The following ZFPM2 variants were observed in gnomAD, a reference collection of about 807,000 sequenced individuals.
The protein encoded by ZFPM2 is zinc finger protein ZFPM2.
Under a neutral mutation model 98.6 loss-of-function variants are expected in ZFPM2, and 20 were observed. That is an observed-to-expected ratio of 0.20 (90% CI 0.14 to 0.29). The LOEUF (loss-of-function observed/expected upper bound fraction) is 0.29, where lower values mean the gene tolerates loss of function less well. ZFPM2 is among the 10% of genes least tolerant of loss of function. The pLI is 1.00. For missense variants in ZFPM2, 1,310 were observed against 1,388.6 expected (o/e 0.94, Z 0.90); for synonymous variants, 518 against 502.7 (o/e 1.03, Z -0.41).
chr8:105,464,073 C>G (rs1169530194), intron 3 of ZFPM2, among the ~76,000 whole-genome samples: 1 of 152,040 alleles, frequency 6.6e-6, no homozygotes, highest in African/African-American at 2.4e-5. Flanking sequence ...TTCCTTTTCT[C>G]CTTGGGACTT....
chr8:105,441,482 G>GAAAGAAAGAAAGAAAA (rs1554604999), intron 2 of ZFPM2, among the ~76,000 whole-genome samples: 15,643 of 85,680 alleles, frequency 0.18, 3,472 homozygotes, highest in African/African-American at 0.29. Flanking sequence ...AAGAAAGAAA[G>GAAAGAAAGAAAGAAAA]AAAGAAAGAA....
intron 1 of ZFPM2, among the ~76,000 whole-genome samples, chr8:105,386,476 G>T (rs1328212929): frequency 6.6e-6 from 1 of 152,092 alleles, no homozygotes; most frequent in East Asian, 1.9e-4. Context: ...TCTTAAGGTG[G>T]TGTGTCTGGA....
intron 4 of ZFPM2, among the ~76,000 whole-genome samples, chr8:105,572,179 A>AG (rs531188130): frequency 7.8e-4 from 118 of 151,536 alleles, no homozygotes; most frequent in African/African-American, 2.6e-3. Flanking sequence ...CTGGGACCAC[A>AG]GGTGCACGCC....
intron 5 of ZFPM2, among the ~76,000 whole-genome samples, chr8:105,697,565 A>G (rs776203233): frequency 6.6e-6 from 1 of 152,164 alleles, no homozygotes; most frequent in Non-Finnish European, 1.5e-5. Context: ...GTTTGATGAT[A>G]TATCCTTTAA....
chr8:105,443,338 A>AAAAAAAAAAAAC (rs1554605250), intron 2 of ZFPM2, among the ~76,000 whole-genome samples: 1 of 151,002 alleles, frequency 6.6e-6, no homozygotes. Context: ...AAAAAAAAAA[A>AAAAAAAAAAAAC]ACTTGGCATT....
At chr8:105,580,823 CTCTCTATA>C (rs1815576690) in intron 4 of ZFPM2, among the ~76,000 whole-genome samples, 1 of 129,298 alleles carries the variant, frequency 7.7e-6, no homozygotes, top group African/African-American at 3.0e-5. Flanking sequence ...CTCTCTCTCT[CTCTCTATA>C]TATATATATA....
At chr8:105,327,665 C>G (rs531273368) in intron 1 of ZFPM2, among the ~76,000 whole-genome samples, 2 of 151,590 alleles carry the variant, frequency 1.3e-5, no homozygotes, top group Non-Finnish European at 3.0e-5. Context: ...TGTCCATTTT[C>G]CCTTTGCATG....
intron 4 of ZFPM2, among the ~76,000 whole-genome samples, chr8:105,626,544 G>T (rs28593348): frequency 0.2 from 30,702 of 151,960 alleles, 3,144 homozygotes; most frequent in South Asian, 0.26. Context: ...GGGGAATAAT[G>T]GAGTTGGGGG....
chr8:105,635,787 T>G (rs949528875), intron 5 of ZFPM2, among the ~76,000 whole-genome samples: 1 of 152,208 alleles, frequency 6.6e-6, no homozygotes, highest in Non-Finnish European at 1.5e-5. Flanking sequence ...AACATGGCAA[T>G]ACCTGGTCCC....
intron 1 of ZFPM2, among the ~76,000 whole-genome samples, chr8:105,388,568 C>T (rs750650761): frequency 7.9e-5 from 12 of 152,126 alleles, no homozygotes; most frequent in Non-Finnish European, 1.0e-4. Flanking sequence ...ATGCAGTAAG[C>T]TCCGACTACA....
chr8:105,743,795 AT>A (rs1277314644), intron 5 of ZFPM2, among the ~76,000 whole-genome samples: 1 of 152,068 alleles, frequency 6.6e-6, no homozygotes. Flanking sequence ...ACACATCATA[AT>A]GCTGTCCTTC....
chr8:105,693,320 A>C (rs1810934577), intron 5 of ZFPM2, among the ~76,000 whole-genome samples: 1 of 152,180 alleles, frequency 6.6e-6, no homozygotes, highest in African/African-American at 2.4e-5. Context: ...GTGTACGTGC[A>C]TTGGTGCAGG....
At chr8:105,674,424 C>T (rs1310382931) in intron 5 of ZFPM2, among the ~76,000 whole-genome samples, 2 of 152,152 alleles carry the variant, frequency 1.3e-5, no homozygotes, top group African/African-American at 2.4e-5. Flanking sequence ...TAAGCATAGC[C>T]GTAATCCAGC....
At chr8:105,668,565 G>A (rs988318691) in intron 5 of ZFPM2, among the ~76,000 whole-genome samples, 1 of 151,940 alleles carries the variant, frequency 6.6e-6, no homozygotes, top group Non-Finnish European at 1.5e-5. Flanking sequence ...TCCTTTTTTA[G>A]AATTATAAGA....
In ZFPM2 at chr8:105,343,168, T is replaced by A. The variant is rs1328235683; in HGVS notation, c.40+24187T>A. Among the ~76,000 whole-genome samples, 10 of 152,258 alleles carry A rather than the reference T, an allele frequency of 6.6e-5. No individual in the cohort carries two copies. The South Asian group carries it at 2.1e-3, about 32-fold the overall frequency. ...TTTTGGTTTAAAAAATCAACTTTATTAAGTACAGGATGGGAAAATGAACTT... is the reference window on the plus strand; with the variant it reads ...TTTTGGTTTAAAAAATCAACTTTATAAAGTACAGGATGGGAAAATGAACTT... On this transcript the variant is annotated intron_variant, in intron 1 of 7. Coordinates refer to ENST00000407775, the MANE Select transcript of ZFPM2 (RefSeq NM_012082.4).
chr8:105,780,974 G>A (rs1268013168), intron 5 of ZFPM2, among the ~76,000 whole-genome samples: 1 of 152,220 alleles, frequency 6.6e-6, no homozygotes, highest in African/African-American at 2.4e-5. Context: ...TGAAACATTT[G>A]ATCATCAAGA....
chr8:105,346,454 C>T (rs1812530827), intron 1 of ZFPM2, among the ~76,000 whole-genome samples: 1 of 151,816 alleles, frequency 6.6e-6, no homozygotes, highest in African/African-American at 2.4e-5. Context: ...TTAAGCATTA[C>T]ATATGTAATT....
intron 1 of ZFPM2, among the ~76,000 whole-genome samples, chr8:105,391,437 C>T (rs534013538): frequency 2.1e-4 from 32 of 152,206 alleles, no homozygotes; most frequent in Middle Eastern, 6.8e-3. Context: ...AATAAGACAA[C>T]GATGAAGTTT....
chr8:105,490,571 G>A (rs1813337644), intron 3 of ZFPM2, among the ~76,000 whole-genome samples: 1 of 152,094 alleles, frequency 6.6e-6, no homozygotes, highest in Non-Finnish European at 1.5e-5. Context: ...TGTGTATTTG[G>A]TTATCAATGT....
Sources: allele counts gnomAD v4.1 joint callset (sites outside exome capture counted in the v4.1 genomes callset), GRCh38; gene constraint gnomAD v4.1.1; transcripts MANE v1.5; gene names NCBI Gene and HGNC (gene_info 2026-07-23, HGNC 2026-07-21).